TYK2: variants seen among roughly 807,000 people sequenced by gnomAD.
TYK2 encodes the protein tyrosine kinase 2.
Under a neutral mutation model 130.9 loss-of-function variants are expected in TYK2, and 65 were observed. The observed-to-expected ratio is 0.50, with a 90% CI of 0.41 to 0.61. The LOEUF is 0.61. Among genes scored for constraint, TYK2 ranks in the 20% least tolerant of loss-of-function variants. The probability of loss-of-function intolerance (pLI) is 0.00; values close to 1 mark genes in which losing one functional copy is unlikely to be tolerated. For missense variants in TYK2, 1,378 were observed against 1,610.7 expected (o/e 0.86, Z 2.47); for synonymous variants, 647 against 658.9 (o/e 0.98, Z 0.28).
rs539066501 is a variant in TYK2 at position 10,370,089 on chromosome 19, C to T, written c.194-1671G>A. Among the ~76,000 whole-genome samples the T allele has an allele frequency of 1.3e-3, 193 of 151,658 alleles. 2 individuals carry two copies. Among genetic ancestry groups the T allele is most frequent in the Admixed American group, 0.01 (153 of 15,214 alleles). The stretch of plus-strand genomic sequence containing the variant: ...ACAAAGAATCAGCCATGGCCAGGCT[C>T]GAGGGTGCACACTTGTAATCCCAAC... On this transcript the variant is annotated intron_variant, in intron 3 of 24. Coordinates refer to ENST00000525621, the MANE Select transcript of TYK2 (RefSeq NM_003331.5).
intron 23 of TYK2, chr19:10,351,538 T>A (rs540561573): frequency 3.1e-6 from 1 of 321,030 alleles, no homozygotes; most frequent in East Asian, 8.1e-5. Flanking sequence ...ACTGCATGGG[T>A]TCCAATCCCA....
chr19:10,360,945 G>A, intron 14 of TYK2: 1 of 267,896 alleles, frequency 3.7e-6, no homozygotes, highest in Admixed American at 4.9e-5. Flanking sequence ...TGTAAAGATA[G>A]GGTCTGGACA....
chr19:10,370,820 AAATAAT>A (rs1368355587), intron 3 of TYK2, among the ~76,000 whole-genome samples: 1 of 151,998 alleles, frequency 6.6e-6, no homozygotes. Context: ...CTGTCTAAAA[AAATAAT>A]AATAAAATGA....
chr19:10,351,055 A>G lies in TYK2; in HGVS notation c.3426T>C (p.Cys1142=). 1 of 1,614,146 alleles carries G rather than the reference A, an allele frequency of 6.2e-7. No individual in the cohort carries two copies. The highest frequency in any genetic ancestry group is 8.5e-7 in the Non-Finnish European group (1 of 1,180,026). Residue 1142 remains cysteine (C), a synonymous_variant, in exon 24 of 25, where the codon TGT becomes TGC. Transcript: ENST00000525621. ...ERLPRPDKCP[C]EVYHLMKNCW... is the part of the protein sequence containing the mutation. ...GGAAAGACAAAGGAAGTCTCACCTC[A>G]CAGGGACATTTGTCGGGCCGTGGCA...
rs754701540 is a variant in TYK2, at chr19:10,366,443, G to C, written c.603C>G (p.Pro201=). 6.2e-7 allele frequency: 1 copy of C among 1,614,078 alleles called. No individual in the cohort carries two copies. The highest frequency in any genetic ancestry group is 8.5e-7 in the Non-Finnish European group (1 of 1,179,974). Residue 201 remains proline, a synonymous_variant, in exon 6 of 25, where the codon CCC becomes CCG. Transcript: ENST00000525621. ...TGGTCTTCTTGGCCACCTCCTCCAGGGGGATGCCATGGCGGAGAGCGAGGT... is the reference window on the plus strand; with the variant it reads ...TGGTCTTCTTGGCCACCTCCTCCAGCGGGATGCCATGGCGGAGAGCGAGGT... The part of the protein sequence containing the change: ...LCHLALRHGI[P]LEEVAKKTSF...
chr19:10,366,541 C>T lies in TYK2; in HGVS notation c.505G>A (p.Glu169Lys), dbSNP rs778545468. 18 of 1,613,884 alleles carry T rather than the reference C, an allele frequency of 1.1e-5. No individual in the cohort carries two copies. Among genetic ancestry groups the T allele is most frequent in the African/African-American group, 4.0e-5 (3 of 74,880 alleles). Residue 169 changes from glutamate (E) to lysine (K), a missense_variant, in exon 6 of 25, where the codon GAG becomes AAG. By Grantham distance (56) the Glu-to-Lys change is moderately conservative. Coordinates refer to ENST00000525621, the MANE Select transcript of TYK2 (RefSeq NM_003331.5). ...EFVNDVASLW[E>K]LSTEEEIHHF... ...TGGATCTCCTCCTCGGTCGACAGCT[C>T]CCACAGTGATGCCACGTCATTCACA...
In TYK2 at chr19:10,354,250, C is replaced by T. The variant is rs2040967673; in HGVS notation, c.2716-16G>A. 1.2e-6 allele frequency: 2 copies of T among 1,608,912 alleles called. No individual in the cohort carries two copies. The highest frequency in any genetic ancestry group is 1.3e-5 in the African/African-American group (1 of 74,864). ...CGAAGTGACCCTGGTCGGGAGCGCA[C>T]GAGGGTCAGCTCCACCTCCCCAATC... is the stretch of plus-strand genomic sequence containing the variant. On this transcript the variant is annotated splice_polypyrimidine_tract_variant and intron_variant, in intron 19 of 24. Coordinates refer to ENST00000525621, the MANE Select transcript of TYK2 (RefSeq NM_003331.5).
intron 17 of TYK2, chr19:10,357,362 C>G (rs2041151896): frequency 4.8e-6 from 3 of 626,238 alleles, no homozygotes; most frequent in Non-Finnish European, 8.6e-6. Context: ...GCATTCCAGC[C>G]TGGGCAATTA....
chr19:10,377,560 ATGGATGG>A (rs1568346484), intron 3 of TYK2, among the ~76,000 whole-genome samples: 4 of 72,330 alleles, frequency 5.5e-5, no homozygotes, highest in Non-Finnish European at 1.1e-4. Flanking sequence ...GGGTGGGTGG[ATGGATGG>A]GTGGGTGGGT....
At chr19:10,366,153 A>G (rs2041654093) in intron 6 of TYK2, among the ~76,000 whole-genome samples, 1 of 152,078 alleles carries the variant, frequency 6.6e-6, no homozygotes, top group Non-Finnish European at 1.5e-5. Context: ...CTAAAAATAC[A>G]AAAATTAGCT....
At chr19:10,356,914 T>A (rs2041131838) in intron 17 of TYK2, 196 bp from the exon 18 acceptor site, 5 of 631,916 alleles carry the variant, frequency 7.9e-6, no homozygotes, top group Non-Finnish European at 1.4e-5. Context: ...GGGACCCAGG[T>A]CCAGTGATTA....
At chr19:10,363,645 C>T (rs568467391) in intron 9 of TYK2, among the ~76,000 whole-genome samples, 43 of 152,302 alleles carry the variant, frequency 2.8e-4, no homozygotes, top group African/African-American at 8.4e-4. Context: ...CAAAGGACAA[C>T]GATCCCAGAC....
intron 18 of TYK2, among the ~76,000 whole-genome samples, chr19:10,355,368 G>A (rs1422321389): frequency 1.3e-5 from 2 of 152,174 alleles, no homozygotes; most frequent in East Asian, 1.9e-4. Flanking sequence ...GGCCGGGCGT[G>A]GTGGCTCACG....
intron 4 of TYK2, 38 bp from the exon 5 acceptor site, chr19:10,368,240 A>G (rs1196333114): frequency 6.2e-7 from 1 of 1,614,148 alleles, no homozygotes. Context: ...CTTAGCACAG[A>G]GTCAGACCAG....
At chr19:10,363,498 T>C (rs1033978369) in intron 9 of TYK2, among the ~76,000 whole-genome samples, 2 of 152,070 alleles carry the variant, frequency 1.3e-5, no homozygotes, top group Non-Finnish European at 2.9e-5. Flanking sequence ...CTCTTGTACT[T>C]GACGCCAGAC....
In TYK2 at chr19:10,352,972, G is replaced by A; in HGVS notation, c.3154C>T (p.His1052Tyr). 1 of 1,607,104 alleles carries A rather than the reference G, an allele frequency of 6.2e-7. No individual in the cohort carries two copies. The highest frequency in any genetic ancestry group is 1.1e-5 in the South Asian group (1 of 90,822). Residue 1052 changes from histidine to tyrosine, a missense_variant, in exon 22 of 25, where the codon CAC (histidine) becomes TAC (tyrosine). By Grantham distance (83) the His-to-Tyr change is moderately conservative (BLOSUM62 2). Coordinates refer to ENST00000525621, the MANE Select transcript of TYK2 (RefSeq NM_003331.5). ...TCCTCGCGCACGCGGTAGTACTCGT[G>A]GCCTTCGGGCACGGCCTTGGCTAGG... ...FGLAKAVPEGHEYYRVREDGD... is the reference protein window; with the variant it reads ...FGLAKAVPEGYEYYRVREDGD...
chr19:10,351,896 C>T (rs573151469), intron 23 of TYK2, among the ~76,000 whole-genome samples: 1 of 152,082 alleles, frequency 6.6e-6, no homozygotes, highest in Non-Finnish European at 1.5e-5. Context: ...CCTGCCACCA[C>T]GCCCGGCTAA....
intron 22 of TYK2, 49 bp from the exon 23 acceptor site, chr19:10,352,600 G>A: frequency 2.1e-6 from 2 of 949,976 alleles, no homozygotes; most frequent in Non-Finnish European, 3.3e-6. Flanking sequence ...CTGAGGGCTT[G>A]GGGATCAGAC....
intron 23 of TYK2, chr19:10,351,572 G>T (rs2040804308): frequency 7.8e-6 from 2 of 255,768 alleles, no homozygotes; most frequent in South Asian, 9.1e-5. Context: ...TCAGCTGTGT[G>T]ACTTTGAATT....
Sources: gnomAD v4.1 joint callset for allele counts (sites outside exome capture counted in the v4.1 genomes callset) on GRCh38, gnomAD v4.1.1 for gene constraint, MANE v1.5 for transcripts, NCBI Gene and HGNC (gene_info 2026-07-23, HGNC 2026-07-21) for gene names.